The following UBE2J2 variants were observed in gnomAD, a reference collection of about 807,000 sequenced individuals.
UBE2J2 encodes the protein ubiquitin conjugating enzyme E2 J2, also known as ubiquitin-conjugating enzyme E2 J2.
A neutral mutation model predicts 28.6 loss-of-function variants in UBE2J2; 5 were observed. That is an observed-to-expected ratio of 0.17 (90% CI 0.09 to 0.37). The LOEUF is 0.37. UBE2J2 is among the 10% of genes least tolerant of loss of function. The probability of loss-of-function intolerance (pLI) is 1.00; values close to 1 mark genes in which losing one functional copy is unlikely to be tolerated. For synonymous variants in UBE2J2, 138 were observed against 139.7 expected (o/e 0.99, Z 0.09); for missense variants, 226 against 338.9 (o/e 0.67, Z 2.62).
intron 2 of UBE2J2, chr1:1,263,658 G>A (rs1384352414): frequency 1.8e-5 from 6 of 339,356 alleles, no homozygotes; most frequent in South Asian, 4.5e-5. Context: ...TAACATGCAC[G>A]AAGCTCATCT....
intron 1 of UBE2J2, among the ~76,000 whole-genome samples, chr1:1,272,402 C>G (rs541151605): frequency 6.6e-6 from 1 of 152,334 alleles, no homozygotes; most frequent in Non-Finnish European, 1.5e-5. Context: ...GCCCAGCGTC[C>G]CTCACCCGTC....
At chr1:1,273,097 G>A (rs1020216047) in intron 1 of UBE2J2, 15 of 152,416 alleles carry the variant, frequency 9.8e-5, no homozygotes, top group African/African-American at 3.4e-4. Context: ...CACCTGGCCA[G>A]GGGCTGAAAG....
chr1:1,257,393 ACCCCCC>A lies in UBE2J2; in HGVS notation c.173-89_173-84del, dbSNP rs1194870542. 2.8e-5 allele frequency: 6 copies of A among 214,398 alleles called. 1 individual carries two copies. Among genetic ancestry groups the A allele is most frequent in the African/African-American group, 3.2e-4 (2 of 6,228 alleles). 13.3% of individuals were successfully genotyped at this position (214,398 alleles called of 1,614,324 possible). A position where few individuals can be genotyped will look rare whatever the true frequency, so the allele number is the denominator to read the frequency against. Reference sequence around the variant, plus strand: ...GACCTCGTCCCCATCCCCCCACGCCACCCCCCCCCCCCCCCTCAGCTCGGCTCCCGA... The same window carrying A: ...GACCTCGTCCCCATCCCCCCACGCCACCCCCCCCCTCAGCTCGGCTCCCGA... On this transcript the variant is annotated intron_variant, in intron 3 of 6. Coordinates refer to ENST00000349431, the MANE Select transcript of UBE2J2 (RefSeq NM_058167.3).
Position 1,254,862 on chromosome 1 carries a change from G to A in UBE2J2, c.*341C>T, listed in dbSNP as rs923099531. The A allele has an allele frequency of 2.5e-5, 5 of 196,520 alleles. No individual in the cohort carries two copies. The highest frequency in any genetic ancestry group is 5.1e-5 in the Non-Finnish European group (5 of 97,234). 12.2% of individuals were successfully genotyped at this position (196,520 alleles called of 1,614,324 possible). A position where few individuals can be genotyped will look rare whatever the true frequency, so the allele number is the denominator to read the frequency against. ...TCCAAGAACGCAGGAGCAGCCCGCG[G>A]TCGGCAGCAAGTTTGCATTTCTAAG... On this transcript the variant is annotated 3_prime_UTR_variant, in exon 7 of 7. Coordinates refer to ENST00000349431, the MANE Select transcript of UBE2J2 (RefSeq NM_058167.3).
intron 2 of UBE2J2, among the ~76,000 whole-genome samples, chr1:1,264,176 G>C (rs971982323): frequency 6.6e-6 from 1 of 152,186 alleles, no homozygotes; most frequent in Non-Finnish European, 1.5e-5. Flanking sequence ...TCCTGGAGCA[G>C]AAGGAACAGG....
rs1456292819 is a variant in UBE2J2 at position 1,255,252 on chromosome 1, G to C, written c.731C>G (p.Ala244Gly). ...CACGTACTTGACCGTGTAAGCAAAGGCTGCAAACCCAACTATCACAAACAA... is the reference window on the plus strand; with the variant it reads ...CACGTACTTGACCGTGTAAGCAAAGCCTGCAAACCCAACTATCACAAACAA... The part of the protein sequence containing the change: ...ANLFVIVGFA[A>G]FAYTVKYVLR... Residue 244 changes from alanine to glycine, a missense_variant, in exon 7 of 7, where the codon GCC becomes GGC. Physicochemically the swap from Ala to Gly is moderately conservative, Grantham distance 60 (BLOSUM62 0). Coordinates refer to ENST00000349431, the MANE Select transcript of UBE2J2 (RefSeq NM_058167.3). 1 of 1,612,678 alleles carries C rather than the reference G, an allele frequency of 6.2e-7. No homozygotes were observed. The highest frequency in any genetic ancestry group is 8.5e-7 in the Non-Finnish European group (1 of 1,179,294).
chr1:1,257,403 C>CA lies in UBE2J2; in HGVS notation c.173-94_173-93insT, dbSNP rs1639261746. ...CCATCCCCCCACGCCACCCCCCCCCCCCCCCTCAGCTCGGCTCCCGAGTCC... is the reference window on the plus strand; with the variant it reads ...CCATCCCCCCACGCCACCCCCCCCCCACCCCCTCAGCTCGGCTCCCGAGTCC... On this transcript the variant is annotated intron_variant, in intron 3 of 6. Transcript: ENST00000349431. 3.5e-5 allele frequency: 21 copies of CA among 603,754 alleles called. 2 individuals carry two copies. Among genetic ancestry groups the CA allele is most frequent in the South Asian group, 3.5e-4 (16 of 46,080 alleles). 37.4% of individuals were successfully genotyped at this position (603,754 alleles called of 1,614,324 possible).
rs753619341 is a variant in UBE2J2 at position 1,255,332 on chromosome 1, T to C, written c.651A>G (p.Ala217=). Residue 217 remains alanine (A), a synonymous_variant, in exon 7 of 7, where the codon GCA becomes GCG. Coordinates refer to ENST00000349431, the MANE Select transcript of UBE2J2 (RefSeq NM_058167.3). ...GGTGCCGGTTGGCCTGCTGGAGCCC[T>C]GCGAGGTTTGGGACGGCCCCCGGCG... is the stretch of plus-strand genomic sequence containing the variant. ...GHAPGAVPNL[A]GLQQANRHHG... is the part of the protein sequence containing the mutation. 3.7e-6 allele frequency: 6 copies of C among 1,613,744 alleles called. No individual in the cohort carries two copies. In the South Asian group the frequency reaches 5.5e-5, roughly 15 times the overall value.
At chr1:1,270,810 C>T (rs1240973030) in intron 1 of UBE2J2, among the ~76,000 whole-genome samples, 3 of 152,110 alleles carry the variant, frequency 2.0e-5, no homozygotes, top group Non-Finnish European at 4.4e-5. Context: ...TTGACAGAGG[C>T]AGCCCCAGCC....
chr1:1,258,032 TTTTTG>T (rs1036760480), intron 3 of UBE2J2, among the ~76,000 whole-genome samples: 17 of 151,940 alleles, frequency 1.1e-4, no homozygotes, highest in African/African-American at 2.7e-4. Flanking sequence ...TTCCCACTTT[TTTTTG>T]TTTTGTTTTG....
Position 1,257,303 on chromosome 1 carries a change from A to G in UBE2J2, c.180T>C (p.Tyr60=), listed in dbSNP as rs1408148036. 1 of 1,608,458 alleles carries G rather than the reference A, an allele frequency of 6.2e-7. No homozygotes were observed. The highest frequency in any genetic ancestry group is 1.1e-5 in the South Asian group (1 of 90,874). Residue 60 remains tyrosine, a synonymous_variant, in exon 4 of 7, where the codon TAT becomes TAC. Coordinates refer to ENST00000349431, the MANE Select transcript of UBE2J2 (RefSeq NM_058167.3). ...GPEMTPYEGG[Y]YHGKLIFPRE... ...TGGGAAAAATTAGTTTTCCATGATA[A>G]TAGCCACCTACATGGAAACAAAACA...
Position 1,255,359 on chromosome 1 carries a change from A to C in UBE2J2, c.624T>G (p.His208Gln). Residue 208 changes from histidine (H) to glutamine (Q), a missense_variant, in exon 7 of 7, where the codon CAT (histidine) becomes CAG (glutamine). Transcript: ENST00000349431. ...VQNGIQLLNG[H>Q]APGAVPNLAG... ...CGAGGTTTGGGACGGCCCCCGGCGC[A>C]TGCCCGTTGAGCAGCTGAATCCCGT... 1 of 1,613,784 alleles carries C rather than the reference A, an allele frequency of 6.2e-7. No homozygotes were observed. Among genetic ancestry groups the C allele is most frequent in the Non-Finnish European group, 8.5e-7 (1 of 1,180,038 alleles).
chr1:1,261,185 G>A (rs931634771), intron 3 of UBE2J2, among the ~76,000 whole-genome samples: 1 of 152,244 alleles, frequency 6.6e-6, no homozygotes, highest in Non-Finnish European at 1.5e-5. Flanking sequence ...AGAGCAGAGG[G>A]CAGGGCTGCA....
chr1:1,259,207 G>A (rs549287284), intron 3 of UBE2J2, among the ~76,000 whole-genome samples: 4 of 151,798 alleles, frequency 2.6e-5, no homozygotes, highest in Non-Finnish European at 5.9e-5. Flanking sequence ...GCATGTGTGT[G>A]TGTATGCCAT....
intron 2 of UBE2J2, chr1:1,266,121 CAT>C: frequency 7.7e-7 from 1 of 1,304,148 alleles, no homozygotes; most frequent in Non-Finnish European, 1.0e-6. Context: ...CCTGGGGCCA[CAT>C]GTGATTTTCA....
rs1557550285 is a variant in UBE2J2 at position 1,257,390 on chromosome 1, GCCA to G, written c.173-83_173-81del. On this transcript the variant is annotated intron_variant, in intron 3 of 6. Coordinates refer to ENST00000349431, the MANE Select transcript of UBE2J2 (RefSeq NM_058167.3). Reference sequence around the variant, plus strand: ...GGAGACCTCGTCCCCATCCCCCCACGCCACCCCCCCCCCCCCCCTCAGCTCGGC... The same window carrying G: ...GGAGACCTCGTCCCCATCCCCCCACGCCCCCCCCCCCCCCCTCAGCTCGGC... 630 of 177,384 alleles carry G rather than the reference GCCA, an allele frequency of 3.6e-3. 2 individuals are homozygous for G. Among genetic ancestry groups the G allele is most frequent in the South Asian group, 9.2e-3 (113 of 12,314 alleles). The allele number at this position is 177,384 out of a possible 1,614,324, so 11.0% of individuals were successfully genotyped here.
chr1:1,264,514 G>A (rs142601698), intron 2 of UBE2J2, among the ~76,000 whole-genome samples: 30 of 152,272 alleles, frequency 2.0e-4, no homozygotes, highest in East Asian at 1.9e-3. Flanking sequence ...GCTCATGCCC[G>A]TGATCCCAGC....
At chr1:1,266,235 G>T in intron 2 of UBE2J2, 1 of 1,184,206 alleles carries the variant, frequency 8.4e-7, no homozygotes, top group Non-Finnish European at 1.1e-6. Context: ...CAGAGAAGGT[G>T]GACCCCTGAC....
At chr1:1,266,880 CATTTT>C (rs576901285) in intron 2 of UBE2J2, among the ~76,000 whole-genome samples, 52 of 152,014 alleles carry the variant, frequency 3.4e-4, no homozygotes, top group South Asian at 6.2e-4. Flanking sequence ...AACATCCTTA[CATTTT>C]ATTTTATTTT....
Sources: gnomAD v4.1 joint callset for allele counts (sites outside exome capture counted in the v4.1 genomes callset) on GRCh38, gnomAD v4.1.1 for gene constraint, MANE v1.5 for transcripts, NCBI Gene and HGNC (gene_info 2026-07-23, HGNC 2026-07-21) for gene names.